The following CD8B variants were observed in gnomAD, a reference collection of about 807,000 sequenced individuals.
CD8B encodes the protein T-cell surface glycoprotein CD8 beta chain.
Under a neutral mutation model 24.2 loss-of-function variants are expected in CD8B, and 6 were observed. That is an observed-to-expected ratio of 0.25 (90% CI 0.14 to 0.49). The LOEUF (loss-of-function observed/expected upper bound fraction) is 0.49. CD8B is among the 20% of genes least tolerant of loss of function. The pLI, the probability that CD8B is intolerant of heterozygous loss-of-function variation, is 0.98. For synonymous variants in CD8B, 84 were observed against 108.3 expected, an observed-to-expected ratio of 0.78 and a Z score of 1.39; for missense variants, 196 against 271.3, an observed-to-expected ratio of 0.72 and a Z score of 1.95.
In CD8B at chr2:86,847,785, C is replaced by CA. The variant is rs1026622361; in HGVS notation, c.494-1013dup. 2.6e-5 allele frequency among the ~76,000 whole-genome samples: 4 copies of CA among 152,140 alleles called. No homozygotes were observed. In the South Asian group the frequency reaches 8.3e-4, roughly 32 times the overall value. ...TTCACCACGTTGGCCAGGATGGTCT[C>CA]AATCTCCTGGCCTCAAGTGATCCAC... is the stretch of plus-strand genomic sequence containing the variant. On this transcript the variant is annotated intron_variant, in intron 3 of 5. Coordinates refer to ENST00000390655, the MANE Select transcript of CD8B (RefSeq NM_004931.5).
At chr2:86,834,866 G>A (rs1212487102), downstream of CD8B, among the ~76,000 whole-genome samples, 8 of 150,248 alleles carry the variant, frequency 5.3e-5, no homozygotes, top group East Asian at 1.2e-3. Context: ...AACCCGGGAG[G>A]CGGAGGTTGC....
chr2:86,833,639 C>CCCTCCCTTCCTTCCTTCCTT (rs559210826), downstream of CD8B, among the ~76,000 whole-genome samples: 2 of 76,014 alleles, frequency 2.6e-5, no homozygotes, highest in Non-Finnish European at 6.7e-5. Context: ...CTCCCTCCCT[C>CCCTCCCTTCCTTCCTTCCTT]CCTTCCTTCC....
chr2:86,840,480 C>A lies in CD8B; in HGVS notation c.*1827G>T, dbSNP rs1210927491. Among the ~76,000 whole-genome samples the A allele has an allele frequency of 2.0e-5, 3 of 152,186 alleles. No homozygotes were observed. The highest frequency in any genetic ancestry group is 7.2e-5 in the African/African-American group (3 of 41,454). ...GACCACAGACCAAGCACGGGCCATC[C>A]CTTCATCCGCATAGGGCGTCAATTC... On this transcript the variant is annotated 3_prime_UTR_variant, in exon 6 of 6. Coordinates refer to ENST00000390655, the MANE Select transcript of CD8B (RefSeq NM_004931.5).
intron 5 of CD8B, among the ~76,000 whole-genome samples, chr2:86,823,275 A>C (rs964049043): frequency 6.8e-6 from 1 of 146,620 alleles, no homozygotes; most frequent in African/African-American, 2.5e-5. Flanking sequence ...CTTAAAAAAA[A>C]TTTTTAATTA....
At position 86,840,319 on chromosome 2, in the gene CD8B, T is replaced by A. The variant is rs1420617416; in HGVS notation, c.*1988A>T. 6.6e-6 allele frequency among the ~76,000 whole-genome samples: 1 copy of A among 152,154 alleles called. No individual in the cohort carries two copies. The highest frequency in any genetic ancestry group is 2.4e-5 in the African/African-American group (1 of 41,422). ...AACACCTGGGTCTGGGGGCAGGGCA[T>A]CTAAGGCCAATTAACATACACCAAA... On this transcript the variant is annotated 3_prime_UTR_variant, in exon 6 of 6. Coordinates refer to ENST00000390655, the MANE Select transcript of CD8B (RefSeq NM_004931.5).
At chr2:86,861,317 G>A (rs1377618326) in intron 1 of CD8B, among the ~76,000 whole-genome samples, 5 of 152,078 alleles carry the variant, frequency 3.3e-5, no homozygotes, top group Admixed American at 1.3e-4. Context: ...CGACATCAGG[G>A]AGAACGGGAG....
At chr2:86,858,901 A>G (rs1466242361) in intron 1 of CD8B, among the ~76,000 whole-genome samples, 2 of 152,090 alleles carry the variant, frequency 1.3e-5, no homozygotes, top group Non-Finnish European at 2.9e-5. Flanking sequence ...ATGTACCACC[A>G]CAAAAGGATA....
rs372784780 is a variant in CD8B at position 86,826,406 on chromosome 2, C to T, written c.621-10688G>A. Among the ~76,000 whole-genome samples the T allele has an allele frequency of 5.2e-4, 79 of 152,142 alleles. 2 individuals carry two copies. In the South Asian group the frequency reaches 0.013, roughly 26 times the overall value. ...CTGAGAATCTGTGACATGTGCAGGTCGGTAAGTGAGAAGGAAACAGGAACC... is the reference window on the plus strand; with the variant it reads ...CTGAGAATCTGTGACATGTGCAGGTTGGTAAGTGAGAAGGAAACAGGAACC... On this transcript the variant is annotated intron_variant, in intron 5 of 5. Coordinates refer to the CD8B transcript ENST00000331469.
chr2:86,830,263 T>C (rs1337121226), intron 5 of CD8B, among the ~76,000 whole-genome samples: 2 of 152,140 alleles, frequency 1.3e-5, no homozygotes, highest in African/African-American at 4.8e-5. Flanking sequence ...CTTACAATAC[T>C]CTGATGCATG....
downstream of CD8B, among the ~76,000 whole-genome samples, chr2:86,834,781 C>T (rs1347701850): frequency 6.6e-6 from 1 of 151,888 alleles, no homozygotes; most frequent in Non-Finnish European, 1.5e-5. Context: ...CTAAAAAATA[C>T]AAAAATTAGC....
At chr2:86,853,442 A>G (rs1676074926) in intron 2 of CD8B, among the ~76,000 whole-genome samples, 2 of 152,058 alleles carry the variant, frequency 1.3e-5, no homozygotes, top group South Asian at 4.1e-4. Context: ...ACCCTGTCTC[A>G]AGAGCAAATA....
At chr2:86,853,929 C>A (rs1485566943) in intron 2 of CD8B, among the ~76,000 whole-genome samples, 1 of 152,038 alleles carries the variant, frequency 6.6e-6, no homozygotes, top group Admixed American at 6.6e-5. Flanking sequence ...TTAGTAGAGA[C>A]GGGGTTTCAC....
chr2:86,855,134 T>G (rs1676171140), intron 2 of CD8B, among the ~76,000 whole-genome samples: 1 of 151,272 alleles, frequency 6.6e-6, no homozygotes. Flanking sequence ...AAAAAGGTTT[T>G]GGGGGGTTGT....
intron 1 of CD8B, among the ~76,000 whole-genome samples, chr2:86,858,937 C>T (rs993994473): frequency 4.6e-5 from 7 of 152,110 alleles, no homozygotes; most frequent in African/African-American, 1.7e-4. Context: ...ATCCTCATTA[C>T]ACAGATGAGG....
chr2:86,851,234 G>C (rs1408443362), intron 3 of CD8B, among the ~76,000 whole-genome samples: 1 of 152,130 alleles, frequency 6.6e-6, no homozygotes, highest in Non-Finnish European at 1.5e-5. Context: ...ATTGCTTCTC[G>C]AATTTAGTGC....
downstream of CD8B, among the ~76,000 whole-genome samples, chr2:86,837,675 G>A (rs546672512): frequency 8.7e-5 from 13 of 149,014 alleles, no homozygotes; most frequent in East Asian, 4.0e-4. Context: ...CACAAGCTGC[G>A]GGGCGGGGGT....
intron 5 of CD8B, among the ~76,000 whole-genome samples, chr2:86,828,963 T>G (rs1674797478): frequency 6.6e-6 from 1 of 152,140 alleles, no homozygotes; most frequent in Non-Finnish European, 1.5e-5. Context: ...ATTGTTGTTT[T>G]GCCTGGCTGT....
chr2:86,832,007 A>C (rs1340454765), intron 5 of CD8B, among the ~76,000 whole-genome samples: 1 of 152,224 alleles, frequency 6.6e-6, no homozygotes, highest in Non-Finnish European at 1.5e-5. Flanking sequence ...CACTGCTGTA[A>C]GGAAGGTATC....
chr2:86,857,910 C>A, intron 2 of CD8B, 147 bp downstream of exon 2: 1 of 874,880 alleles, frequency 1.1e-6, no homozygotes, highest in Non-Finnish European at 1.8e-6. Context: ...CTGGGTAAGT[C>A]TCCACATGTT....
Sources: allele counts gnomAD v4.1 joint callset (sites outside exome capture counted in the v4.1 genomes callset), GRCh38; gene constraint gnomAD v4.1.1; transcripts MANE v1.5; gene names NCBI Gene and HGNC (gene_info 2026-07-23, HGNC 2026-07-21).